Variants in ZNF385D observed in about 807,000 individuals in gnomAD.
ZNF385D encodes the protein zinc finger protein 659.
ZNF385D carries 15 observed loss-of-function variants against 35.8 expected under a neutral mutation model. The observed-to-expected ratio is 0.42, with a 90% CI of 0.28 to 0.64. ZNF385D has a LOEUF of 0.64. ZNF385D is among the 30% of genes least tolerant of loss of function. The probability of loss-of-function intolerance (pLI) is 0.23; values close to 1 mark genes in which losing one functional copy is unlikely to be tolerated. For missense variants in ZNF385D, 474 were observed against 494.6 expected (o/e 0.96, Z 0.39); for synonymous variants, 212 against 186.8 (o/e 1.13, Z -1.10).
intron 3 of ZNF385D, among the ~76,000 whole-genome samples, chr3:21,937,231 C>G (rs1300844731): frequency 1.3e-5 from 2 of 151,602 alleles, no homozygotes; most frequent in African/African-American, 4.8e-5. Context: ...TAATGTAAGC[C>G]TTAAAAAAAT....
chr3:21,605,951 T>C (rs1452709247), intron 2 of ZNF385D, among the ~76,000 whole-genome samples: 1 of 151,826 alleles, frequency 6.6e-6, no homozygotes, highest in East Asian at 1.9e-4. Context: ...AATGCACATC[T>C]TAAAACGTGC....
intron 4 of ZNF385D, among the ~76,000 whole-genome samples, chr3:21,495,768 T>G (rs1252488823): frequency 2.0e-5 from 3 of 152,038 alleles, no homozygotes; most frequent in Middle Eastern, 3.4e-3. Context: ...GGAGTTGGCT[T>G]TTTGAAAGAA....
At chr3:22,314,235 C>G (rs535062236) in intron 2 of ZNF385D, among the ~76,000 whole-genome samples, 2 of 152,080 alleles carry the variant, frequency 1.3e-5, no homozygotes, top group Non-Finnish European at 2.9e-5. Context: ...GCAGGATATA[C>G]TGAACCCAAT....
intron 3 of ZNF385D, among the ~76,000 whole-genome samples, chr3:21,877,149 C>T (rs1698022871): frequency 6.6e-6 from 1 of 152,188 alleles, no homozygotes; most frequent in Non-Finnish European, 1.5e-5. Context: ...CCATGTGGAA[C>T]ACCAAAACAC....
intron 2 of ZNF385D, among the ~76,000 whole-genome samples, chr3:22,293,836 G>C (rs1167178681): frequency 6.6e-6 from 1 of 152,090 alleles, no homozygotes; most frequent in Non-Finnish European, 1.5e-5. Context: ...GTGAGGCCTA[G>C]TGATCTGTTC....
chr3:21,631,085 T>C (rs2065267807), intron 2 of ZNF385D, among the ~76,000 whole-genome samples: 1 of 152,104 alleles, frequency 6.6e-6, no homozygotes, highest in African/African-American at 2.4e-5. Context: ...TTTGGAACAT[T>C]ACCCTGTGTG....
chr3:21,577,791 G>T (rs528840690), intron 2 of ZNF385D, among the ~76,000 whole-genome samples: 1 of 151,058 alleles, frequency 6.6e-6, no homozygotes, highest in Non-Finnish European at 1.5e-5. Context: ...TATACTTGTT[G>T]GCCATTTGTA....
intron 2 of ZNF385D, among the ~76,000 whole-genome samples, chr3:22,257,173 G>T (rs2638156): frequency 0.31 from 46,722 of 151,584 alleles, 7,382 homozygotes; most frequent in Non-Finnish European, 0.33. Context: ...AGTCTCACCA[G>T]AGAAAAATCT....
At chr3:21,533,175 G>T (rs887312298) in intron 3 of ZNF385D, among the ~76,000 whole-genome samples, 9 of 152,082 alleles carry the variant, frequency 5.9e-5, no homozygotes, top group African/African-American at 2.2e-4. Context: ...CGCTTTGTAG[G>T]CTGCAGCTCT....
intron 3 of ZNF385D, among the ~76,000 whole-genome samples, chr3:22,107,749 A>G (rs1446631928): frequency 6.6e-6 from 1 of 152,024 alleles, no homozygotes; most frequent in Non-Finnish European, 1.5e-5. Flanking sequence ...AACTGTATGT[A>G]TATATTTCTC....
chr3:21,677,693 A>G (rs2066771418), intron 1 of ZNF385D, among the ~76,000 whole-genome samples: 2 of 152,040 alleles, frequency 1.3e-5, no homozygotes, highest in African/African-American at 4.8e-5. Context: ...AAGCAGTCCT[A>G]ATTTCAAATA....
intron 2 of ZNF385D, chr3:22,169,169 G>C (rs1375583719): frequency 4.4e-6 from 1 of 225,466 alleles, no homozygotes; most frequent in Admixed American, 6.5e-5. Context: ...CATTTTAATA[G>C]ATTGCTTTCA....
chr3:22,022,183 G>A (rs1697261110), intron 3 of ZNF385D, among the ~76,000 whole-genome samples: 1 of 152,062 alleles, frequency 6.6e-6, no homozygotes, highest in African/African-American at 2.4e-5. Flanking sequence ...GAAGGTTACT[G>A]TAAAAACTAA....
At chr3:22,317,389 AACC>A (rs1220810816) in intron 2 of ZNF385D, among the ~76,000 whole-genome samples, 1 of 151,956 alleles carries the variant, frequency 6.6e-6, no homozygotes, top group African/African-American at 2.4e-5. Flanking sequence ...AAGAAAGAGC[AACC>A]ACCACTGGAA....
chr3:21,555,635 C>T (rs1483446496), intron 3 of ZNF385D, among the ~76,000 whole-genome samples: 2 of 152,084 alleles, frequency 1.3e-5, no homozygotes, highest in East Asian at 1.9e-4. Context: ...TGGGTTGGTT[C>T]CAAGTCTTTG....
At chr3:21,697,796 C>A (rs2067524969) in intron 1 of ZNF385D, among the ~76,000 whole-genome samples, 1 of 152,014 alleles carries the variant, frequency 6.6e-6, no homozygotes, top group South Asian at 2.1e-4. Flanking sequence ...CTGACATAAA[C>A]AGACATTTCT....
At chr3:21,964,621 C>G (rs886629710) in intron 3 of ZNF385D, among the ~76,000 whole-genome samples, 1 of 151,474 alleles carries the variant, frequency 6.6e-6, no homozygotes, top group Non-Finnish European at 1.5e-5. Flanking sequence ...TCCTGAGTAA[C>G]TGGGTTTACA....
At chr3:21,695,121 T>C (rs2067426054) in intron 1 of ZNF385D, among the ~76,000 whole-genome samples, 1 of 152,186 alleles carries the variant, frequency 6.6e-6, no homozygotes, top group Non-Finnish European at 1.5e-5. Context: ...AATGAACATA[T>C]ATTTGCCATC....
chr3:22,240,777 C>A (rs1277750058), intron 2 of ZNF385D, among the ~76,000 whole-genome samples: 1 of 150,948 alleles, frequency 6.6e-6, no homozygotes, highest in African/African-American at 2.5e-5. Flanking sequence ...AGACTATGCA[C>A]CTGTAGAATA....
Sources: gnomAD v4.1 joint callset for allele counts (sites outside exome capture counted in the v4.1 genomes callset) on GRCh38, gnomAD v4.1.1 for gene constraint, MANE v1.5 for transcripts, NCBI Gene and HGNC (gene_info 2026-07-23, HGNC 2026-07-21) for gene names.